Variants in WEE2 observed in about 807,000 individuals in gnomAD.
WEE2 encodes the protein wee1-like protein kinase 2.
A neutral mutation model predicts 60.1 loss-of-function variants in WEE2; 50 were observed. The ratio of observed to expected loss-of-function variants is 0.83; its 90% CI spans 0.66 to 1.05. WEE2 has a LOEUF of 1.05. WEE2 is among the 50% of genes least tolerant of loss of function. WEE2 has a pLI of 0.00. For missense variants in WEE2, 631 were observed against 684.3 expected, an observed-to-expected ratio of 0.92 and a Z score of 0.87; for synonymous variants, 240 against 241.0, an observed-to-expected ratio of 1.00 and a Z score of 0.04.
chr7:141,716,561 A>T (rs1389296156), intron 3 of WEE2, among the ~76,000 whole-genome samples: 3 of 148,950 alleles, frequency 2.0e-5, no homozygotes, highest in Non-Finnish European at 4.4e-5. Context: ...CTCACACGCT[A>T]GCTTTGTAAA....
At position 141,718,946 on chromosome 7, in the gene WEE2, T is replaced by C. The variant is rs1009824449; in HGVS notation, c.586-126T>C. ...ACCATGAATATTGACCCAAGTAGAATTCATTGCAGTCACCTCAAAAGTCTT... is the reference window on the plus strand; with the variant it reads ...ACCATGAATATTGACCCAAGTAGAACTCATTGCAGTCACCTCAAAAGTCTT... On this transcript the variant is annotated intron_variant, in intron 3 of 11. Coordinates refer to ENST00000397541, the MANE Select transcript of WEE2 (RefSeq NM_001105558.1). The C allele has an allele frequency of 4.1e-5, 32 of 786,216 alleles. No individual in the cohort carries two copies. In the African/African-American group the frequency reaches 5.5e-4, roughly 14 times the overall value. The allele number at this position is 786,216 out of a possible 1,614,324, so 48.7% of individuals were successfully genotyped here.
chr7:141,717,976 C>G (rs1478173525), intron 3 of WEE2, among the ~76,000 whole-genome samples: 1 of 152,014 alleles, frequency 6.6e-6, no homozygotes. Flanking sequence ...TTAGGCATCT[C>G]TGATTCTGTG....
intron 9 of WEE2, 48 bp from the exon 10 acceptor site, chr7:141,727,256 C>A: frequency 6.4e-7 from 1 of 1,571,612 alleles, no homozygotes; most frequent in South Asian, 1.2e-5. Context: ...GAAGATTTTT[C>A]CCAATAGTGA....
chr7:141,720,729 G>A lies in WEE2; in HGVS notation c.759-206G>A, dbSNP rs368181866. On this transcript the variant is annotated intron_variant, in intron 4 of 11. Coordinates refer to ENST00000397541, the MANE Select transcript of WEE2 (RefSeq NM_001105558.1). ...GTCTGCTATTACCAGTTCGACTTTG[G>A]GCCACTTACTTTCAACAGCCTTCAT... is the stretch of plus-strand genomic sequence containing the variant. 6 of 605,770 alleles carry A rather than the reference G, an allele frequency of 9.9e-6. No individual in the cohort carries two copies. In the South Asian group the frequency reaches 1.3e-4, roughly 13 times the overall value. The allele number at this position is 605,770 out of a possible 1,614,324, so 37.5% of individuals were successfully genotyped here. A position where few individuals can be genotyped will look rare whatever the true frequency, so the allele number is the denominator to read the frequency against.
Position 141,719,213 on chromosome 7 carries a change from T to G in WEE2, c.727T>G (p.Ser243Ala). 3 of 1,610,904 alleles carry G rather than the reference T, an allele frequency of 1.9e-6. No individual in the cohort carries two copies. Among genetic ancestry groups the G allele is most frequent in the Non-Finnish European group, 2.5e-6 (3 of 1,178,490 alleles). The change falls in exon 4 of 12, where the codon TCT becomes GCT. Residue 243 changes from serine to alanine, a missense_variant. Coordinates refer to ENST00000397541, the MANE Select transcript of WEE2 (RefSeq NM_001105558.1). Reference sequence around the variant, plus strand: ...TGGATGTGTTTATGCAATAAAGCGCTCTATGAAAACTTTTACAGAATTATC... The same window carrying G: ...TGGATGTGTTTATGCAATAAAGCGCGCTATGAAAACTTTTACAGAATTATC... ...LDGCVYAIKR[S>A]MKTFTELSNE... is the part of the protein sequence containing the mutation.
In WEE2 at chr7:141,727,461, G is replaced by T. The variant is rs778078773; in HGVS notation, c.1535+15G>T. ...ACACTGGAAAGGTATATTTTTGGAT[G>T]ATGGGGGGTCAAGAAAGAATCTGAG... On this transcript the variant is annotated intron_variant, in intron 10 of 11. Coordinates refer to ENST00000397541, the MANE Select transcript of WEE2 (RefSeq NM_001105558.1). 6.2e-7 allele frequency: 1 copy of T among 1,613,592 alleles called. No homozygotes were observed. Among genetic ancestry groups the T allele is most frequent in the East Asian group, 2.2e-5 (1 of 44,882 alleles).
At chr7:141,723,912 T>C in intron 6 of WEE2, 29 bp from the exon 7 acceptor site, 2 of 1,452,740 alleles carry the variant, frequency 1.4e-6, no homozygotes, top group South Asian at 2.4e-5. Flanking sequence ...AAGTCATTAC[T>C]TACATCTATC....
intron 11 of WEE2, 119 bp from the exon 12 acceptor site, chr7:141,730,176 G>C: frequency 1.2e-6 from 1 of 815,102 alleles, no homozygotes; most frequent in Non-Finnish European, 1.9e-6. Context: ...AAGCTAGTAA[G>C]GCTTTGTCTT....
intron 1 of WEE2, among the ~76,000 whole-genome samples, chr7:141,709,426 T>TTGTGCAG (rs1255002096): frequency 6.6e-6 from 1 of 152,102 alleles, no homozygotes; most frequent in African/African-American, 2.4e-5. Flanking sequence ...AGCTGTGCAG[T>TTGTGCAG]TTACATATGA....
intron 10 of WEE2, chr7:141,728,266 G>A (rs768039550): frequency 6.6e-5 from 10 of 152,160 alleles, no homozygotes; most frequent in Non-Finnish European, 1.5e-4. Flanking sequence ...TACAAAAGAA[G>A]AAAATGAAAA....
At chr7:141,715,241 C>T (rs1202612156) in intron 2 of WEE2, among the ~76,000 whole-genome samples, 1 of 152,180 alleles carries the variant, frequency 6.6e-6, no homozygotes, top group Non-Finnish European at 1.5e-5. Context: ...CCTACTTTGG[C>T]TACCAAGAAT....
chr7:141,723,294 C>T lies in WEE2; in HGVS notation c.1027+14C>T, dbSNP rs747128922. ...ACATCAAACCTAGTCAGTGTGATTC[C>T]CTTCTGCCACTTCTACCGTATTTTG... On this transcript the variant is annotated intron_variant, in intron 6 of 11. Coordinates refer to ENST00000397541, the MANE Select transcript of WEE2 (RefSeq NM_001105558.1). 2.5e-6 allele frequency: 4 copies of T among 1,611,146 alleles called. No homozygotes were observed. Among genetic ancestry groups the T allele is most frequent in the Non-Finnish European group, 3.4e-6 (4 of 1,178,578 alleles).
chr7:141,723,168 T>C lies in WEE2; in HGVS notation c.915T>C (p.Thr305=), dbSNP rs1479665918. 3 of 1,614,104 alleles carry C rather than the reference T, an allele frequency of 1.9e-6. No individual in the cohort carries two copies. The highest frequency in any genetic ancestry group is 2.5e-6 in the Non-Finnish European group (3 of 1,180,026). Residue 305 remains threonine, a synonymous_variant, in exon 6 of 12, where the codon ACT becomes ACC. Coordinates refer to ENST00000397541, the MANE Select transcript of WEE2 (RefSeq NM_001105558.1). ...TGCAAGCTGCTATATCTGAAAACAC[T>C]AAGTCTGGCAATCATTTTGAAGAGC... ...GSLQAAISEN[T]KSGNHFEEPK...
At chr7:141,709,917 T>C (rs1211317710) in intron 1 of WEE2, among the ~76,000 whole-genome samples, 3 of 152,166 alleles carry the variant, frequency 2.0e-5, no homozygotes, top group Non-Finnish European at 4.4e-5. Flanking sequence ...TTAGCTCGGC[T>C]TCCTGCTGGT....
chr7:141,719,834 A>G (rs1430228004), intron 4 of WEE2, among the ~76,000 whole-genome samples: 1 of 152,166 alleles, frequency 6.6e-6, no homozygotes, highest in African/African-American at 2.4e-5. Flanking sequence ...TAAAAAATGA[A>G]TAGATTTGTG....
rs374413024 is a variant in WEE2 at position 141,721,062 on chromosome 7, T to C, written c.880+6T>C. ...TCAGAATGAATACTGCAATGGTAAG[T>C]AGTATATAGATGAATAACTACGAAG... On this transcript the variant is annotated splice_donor_region_variant and intron_variant, in intron 5 of 11. Coordinates refer to ENST00000397541, the MANE Select transcript of WEE2 (RefSeq NM_001105558.1). 3.2e-5 allele frequency: 52 copies of C among 1,613,962 alleles called. No individual in the cohort carries two copies. In the African/African-American group the frequency reaches 6.3e-4, roughly 19 times the overall value.
intron 9 of WEE2, 146 bp downstream of exon 9, chr7:141,725,342 C>T (rs1052378405): frequency 1.9e-5 from 18 of 947,962 alleles, no homozygotes; most frequent in African/African-American, 6.7e-5. Context: ...AAATAAGGGG[C>T]GGGTCCAGGC....
chr7:141,728,353 T>C (rs1309556131), intron 10 of WEE2, among the ~76,000 whole-genome samples: 1 of 152,198 alleles, frequency 6.6e-6, no homozygotes, highest in African/African-American at 2.4e-5. Flanking sequence ...AAGATTAGCT[T>C]TGAAGCATCC....
At position 141,708,551 on chromosome 7, in the gene WEE2, A is replaced by C. The variant is rs1798656674; in HGVS notation, c.-208A>C. 1.7e-6 allele frequency: 1 copy of C among 582,308 alleles called. No homozygotes were observed. The highest frequency in any genetic ancestry group is 1.9e-5 in the African/African-American group (1 of 53,628). The allele number at this position is 582,308 out of a possible 1,614,324, so 36.1% of individuals were successfully genotyped here. A position where few individuals can be genotyped will look rare whatever the true frequency, so the allele number is the denominator to read the frequency against. On this transcript the variant is annotated 5_prime_UTR_variant, in exon 1 of 12. Coordinates refer to ENST00000397541, the MANE Select transcript of WEE2 (RefSeq NM_001105558.1). ...GGAGCTTTCTTTAATCAGAATGGAA[A>C]TCAGGATAAGCTGAGGTCTTATAGA...
Sources: allele counts gnomAD v4.1 joint callset (sites outside exome capture counted in the v4.1 genomes callset), GRCh38; gene constraint gnomAD v4.1.1; transcripts MANE v1.5; gene names NCBI Gene and HGNC (gene_info 2026-07-23, HGNC 2026-07-21).